The following NRG3 variants were observed in gnomAD, a reference collection of about 807,000 sequenced individuals.
NRG3 encodes the protein neuregulin 3, also known as pro-neuregulin-3, membrane-bound isoform.
NRG3 carries 31 observed loss-of-function variants against 66.9 expected under a neutral mutation model. The ratio of observed to expected loss-of-function variants is 0.46; its 90% CI spans 0.35 to 0.63. The LOEUF is 0.63. NRG3 is among the 20% of genes least tolerant of loss of function. The pLI is 0.00. For missense variants in NRG3, 910 were observed against 878.9 expected, an observed-to-expected ratio of 1.04 and a Z score of -0.45; for synonymous variants, 393 against 359.4, an observed-to-expected ratio of 1.09 and a Z score of -1.06.
chr10:82,270,032 G>A (rs970869418), intron 1 of NRG3, among the ~76,000 whole-genome samples: 1 of 152,046 alleles, frequency 6.6e-6, no homozygotes, highest in African/African-American at 2.4e-5. Flanking sequence ...TTGTAAAAAC[G>A]ACATGAGTAT....
chr10:82,533,719 A>G (rs1847530211), intron 2 of NRG3, among the ~76,000 whole-genome samples: 1 of 151,824 alleles, frequency 6.6e-6, no homozygotes, highest in African/African-American at 2.4e-5. Context: ...TCTATACAAC[A>G]AAGAGGAGAA....
chr10:82,948,636 G>C (rs1244415628), intron 4 of NRG3, among the ~76,000 whole-genome samples: 1 of 151,950 alleles, frequency 6.6e-6, no homozygotes, highest in Non-Finnish European at 1.5e-5. Flanking sequence ...TGTGCCTTTT[G>C]TTAAATTGAT....
At chr10:82,121,429 A>G (rs1249508983) in intron 1 of NRG3, among the ~76,000 whole-genome samples, 1 of 152,166 alleles carries the variant, frequency 6.6e-6, no homozygotes, top group African/African-American at 2.4e-5. Flanking sequence ...CAAAGAGAGA[A>G]TTCAGGAACA....
At chr10:82,002,303 GC>G (rs1431735270) in intron 1 of NRG3, among the ~76,000 whole-genome samples, 2 of 152,194 alleles carry the variant, frequency 1.3e-5, no homozygotes, top group East Asian at 3.9e-4. Flanking sequence ...CTTACCATGG[GC>G]CTGTCGAGAA....
intron 1 of NRG3, among the ~76,000 whole-genome samples, chr10:82,319,535 T>G (rs1564791036): frequency 6.6e-6 from 1 of 152,222 alleles, no homozygotes; most frequent in Non-Finnish European, 1.5e-5. Flanking sequence ...TTATTTTCCC[T>G]TGTTCTTTGA....
At chr10:81,906,208 T>C (rs1844589444) in intron 1 of NRG3, among the ~76,000 whole-genome samples, 1 of 151,548 alleles carries the variant, frequency 6.6e-6, no homozygotes, top group East Asian at 1.9e-4. Flanking sequence ...CTGCTGTTCT[T>C]ATCATCATCA....
At chr10:82,826,261 G>T (rs1256875380) in intron 3 of NRG3, among the ~76,000 whole-genome samples, 1 of 152,136 alleles carries the variant, frequency 6.6e-6, no homozygotes, top group Admixed American at 6.5e-5. Flanking sequence ...TGGGGTAATT[G>T]GCCCCAGGTT....
At chr10:81,974,430 A>G (rs2060043445) in intron 1 of NRG3, among the ~76,000 whole-genome samples, 1 of 152,152 alleles carries the variant, frequency 6.6e-6, no homozygotes, top group Non-Finnish European at 1.5e-5. Flanking sequence ...TCACTGAGAC[A>G]ACAGTTTTGT....
chr10:82,059,044 A>G (rs941292797), intron 1 of NRG3, among the ~76,000 whole-genome samples: 1 of 152,144 alleles, frequency 6.6e-6, no homozygotes, highest in East Asian at 1.9e-4. Context: ...TATTTGAAAA[A>G]CTAAAACAGT....
chr10:82,369,818 C>T (rs1356110372), intron 2 of NRG3, among the ~76,000 whole-genome samples: 1 of 138,558 alleles, frequency 7.2e-6, no homozygotes, highest in Non-Finnish European at 1.5e-5. Flanking sequence ...TTGTTATCCC[C>T]ACTTTGCAGA....
intron 1 of NRG3, among the ~76,000 whole-genome samples, chr10:81,909,088 G>T (rs1406977076): frequency 2.0e-5 from 3 of 152,188 alleles, no homozygotes; most frequent in Non-Finnish European, 4.4e-5. Flanking sequence ...AGGCTCTAGG[G>T]AATAATTCTT....
chr10:82,845,551 A>G (rs1388486794), intron 3 of NRG3, among the ~76,000 whole-genome samples: 1 of 152,208 alleles, frequency 6.6e-6, no homozygotes, highest in East Asian at 1.9e-4. Context: ...AAAAGGGTGT[A>G]GATGTTAAAA....
chr10:82,794,852 A>G (rs2060731458), intron 3 of NRG3, among the ~76,000 whole-genome samples: 1 of 152,176 alleles, frequency 6.6e-6, no homozygotes, highest in Non-Finnish European at 1.5e-5. Context: ...TACATCCTCT[A>G]ATGGAGGAAT....
chr10:82,714,419 A>G (rs2056854557), intron 2 of NRG3, among the ~76,000 whole-genome samples: 1 of 152,208 alleles, frequency 6.6e-6, no homozygotes, highest in African/African-American at 2.4e-5. Context: ...AGAAAAGCAT[A>G]TTGCAGAACT....
At chr10:82,847,452 A>G (rs2881958) in intron 3 of NRG3, among the ~76,000 whole-genome samples, 16,768 of 152,234 alleles carry the variant, frequency 0.11, 1,023 homozygotes, top group South Asian at 0.18. Context: ...CATTTCTTCA[A>G]TAGATGAGGA....
At chr10:81,952,338 A>G (rs1051773794) in intron 1 of NRG3, among the ~76,000 whole-genome samples, 1 of 151,886 alleles carries the variant, frequency 6.6e-6, no homozygotes, top group Non-Finnish European at 1.5e-5. Flanking sequence ...AACCTGACCA[A>G]ATTTGTGGTG....
At chr10:82,906,790 C>T (rs1844777243) in intron 4 of NRG3, among the ~76,000 whole-genome samples, 1 of 151,920 alleles carries the variant, frequency 6.6e-6, no homozygotes, top group Non-Finnish European at 1.5e-5. Flanking sequence ...AAGGGTGAAG[C>T]ATATAAAATC....
At chr10:82,925,072 C>A (rs1049330712) in intron 4 of NRG3, among the ~76,000 whole-genome samples, 1 of 152,054 alleles carries the variant, frequency 6.6e-6, no homozygotes, top group African/African-American at 2.4e-5. Flanking sequence ...ACATAAGCAC[C>A]CCCATTTTAC....
At chr10:82,119,667 C>CA (rs1195192815) in intron 1 of NRG3, among the ~76,000 whole-genome samples, 4 of 151,834 alleles carry the variant, frequency 2.6e-5, no homozygotes. Flanking sequence ...ACATAGCTGC[C>CA]AAAAAAGAAC....
Sources: gnomAD v4.1 joint callset for allele counts (sites outside exome capture counted in the v4.1 genomes callset) on GRCh38, gnomAD v4.1.1 for gene constraint, MANE v1.5 for transcripts, NCBI Gene and HGNC (gene_info 2026-07-23, HGNC 2026-07-21) for gene names.